The following CGNL1 variants were observed in gnomAD, a reference collection of about 807,000 sequenced individuals.
CGNL1 encodes the protein cingulin-like protein 1.
CGNL1 carries 132 observed loss-of-function variants against 141.2 expected under a neutral mutation model. The observed-to-expected ratio is 0.93, with a 90% CI of 0.81 to 1.08. The LOEUF is 1.08. CGNL1 is among the 50% of genes least tolerant of loss of function. The pLI is 0.00. For synonymous variants in CGNL1, 690 were observed against 622.1 expected, an observed-to-expected ratio of 1.11 and a Z score of -1.63; for missense variants, 1,870 against 1,588.6, an observed-to-expected ratio of 1.18 and a Z score of -3.01.
intron 14 of CGNL1, among the ~76,000 whole-genome samples, chr15:57,542,427 G>A (rs575907828): frequency 3.9e-5 from 6 of 152,254 alleles, no homozygotes; most frequent in South Asian, 4.2e-4. Context: ...TGGAGCCTCC[G>A]CCTCATAACT....
intron 18 of CGNL1, 78 bp downstream of exon 18, chr15:57,546,317 A>C (rs2032865372): frequency 1.9e-5 from 27 of 1,430,806 alleles, no homozygotes; most frequent in Admixed American, 5.1e-5. Flanking sequence ...GAGCATTCAC[A>C]CTCCTGTTGT....
chr15:57,523,642 G>C lies in CGNL1; in HGVS notation c.2868+1G>C. 1 of 1,614,036 alleles carries C rather than the reference G, an allele frequency of 6.2e-7. No individual in the cohort carries two copies. The highest frequency in any genetic ancestry group is 8.5e-7 in the Non-Finnish European group (1 of 1,179,972). On this transcript the variant is annotated splice_donor_variant, in intron 11 of 18. Transcript: ENST00000281282. LOFTEE classifies it high-confidence loss of function. ...AACCATTGAGAAACTGCAGAAGGAGGTGAGGGGCTGGAGGAGGAAAGAGGA... is the reference window on the plus strand; with the variant it reads ...AACCATTGAGAAACTGCAGAAGGAGCTGAGGGGCTGGAGGAGGAAAGAGGA...
chr15:57,469,512 G>T (rs1487046919), intron 8 of CGNL1, among the ~76,000 whole-genome samples: 1 of 151,642 alleles, frequency 6.6e-6, no homozygotes, highest in African/African-American at 2.4e-5. Flanking sequence ...CCAGGGGAAG[G>T]GCAGTTCATT....
At chr15:57,482,395 T>C (rs1035350845) in intron 8 of CGNL1, among the ~76,000 whole-genome samples, 2 of 152,238 alleles carry the variant, frequency 1.3e-5, no homozygotes, top group Non-Finnish European at 2.9e-5. Flanking sequence ...TCTGTGTTTT[T>C]GTTTTCTAAA....
chr15:57,465,564 T>C lies in CGNL1; in HGVS notation c.2403+3672T>C, dbSNP rs564050840. 3.3e-5 allele frequency among the ~76,000 whole-genome samples: 5 copies of C among 152,110 alleles called. No homozygotes were observed. The South Asian group carries it at 1.0e-3, about 32-fold the overall frequency. On this transcript the variant is annotated intron_variant, in intron 8 of 18. Transcript: ENST00000281282. ...CGCCACCACACCTGACTAATTTTTGTATTTTTAGTAGAGACCGGGTTTCAC... is the reference window on the plus strand; with the variant it reads ...CGCCACCACACCTGACTAATTTTTGCATTTTTAGTAGAGACCGGGTTTCAC...
chr15:57,511,488 G>A (rs1326811598), intron 8 of CGNL1, among the ~76,000 whole-genome samples: 2 of 152,150 alleles, frequency 1.3e-5, no homozygotes, highest in African/African-American at 4.8e-5. Context: ...AATGATAGAC[G>A]ATAAGTTTCT....
At chr15:57,507,819 G>T (rs929977632) in intron 8 of CGNL1, among the ~76,000 whole-genome samples, 1 of 152,154 alleles carries the variant, frequency 6.6e-6, no homozygotes, top group Non-Finnish European at 1.5e-5. Flanking sequence ...CTGAATTCCA[G>T]GACTACCTAA....
intron 8 of CGNL1, among the ~76,000 whole-genome samples, chr15:57,481,572 T>A (rs1395677511): frequency 6.6e-6 from 1 of 152,240 alleles, no homozygotes; most frequent in Non-Finnish European, 1.5e-5. Context: ...CACCACAGTT[T>A]GTTCAACCAT....
chr15:57,466,769 A>G (rs914019223), intron 8 of CGNL1, among the ~76,000 whole-genome samples: 5 of 152,224 alleles, frequency 3.3e-5, no homozygotes, highest in African/African-American at 1.2e-4. Context: ...AATTCAAATT[A>G]CTTCTCATGA....
intron 14 of CGNL1, among the ~76,000 whole-genome samples, chr15:57,541,732 A>T (rs1011154462): frequency 6.6e-6 from 1 of 152,220 alleles, no homozygotes; most frequent in South Asian, 2.1e-4. Flanking sequence ...CCATGAAGTA[A>T]TGGGCAGTGC....
intron 1 of CGNL1, among the ~76,000 whole-genome samples, chr15:57,423,149 G>T (rs1175349893): frequency 6.6e-6 from 1 of 152,108 alleles, no homozygotes; most frequent in Admixed American, 6.5e-5. Flanking sequence ...ACTGGTTTTT[G>T]TTAAACACAG....
intron 4 of CGNL1, among the ~76,000 whole-genome samples, chr15:57,446,115 G>A (rs2942037): frequency 6.6e-6 from 1 of 152,152 alleles, no homozygotes; most frequent in Non-Finnish European, 1.5e-5. Flanking sequence ...ACAAATATAT[G>A]TATAAAGGGT....
At chr15:57,502,034 G>A (rs1293961068) in intron 8 of CGNL1, among the ~76,000 whole-genome samples, 2 of 152,212 alleles carry the variant, frequency 1.3e-5, no homozygotes, top group African/African-American at 4.8e-5. Context: ...GCCTAGAGCA[G>A]TTGGTAATCA....
At chr15:57,537,374 C>T (rs1341724679) in intron 14 of CGNL1, among the ~76,000 whole-genome samples, 1 of 152,060 alleles carries the variant, frequency 6.6e-6, no homozygotes, top group African/African-American at 2.4e-5. Flanking sequence ...TCAGGGGTGC[C>T]ACCCCTGCTA....
At position 57,428,970 on chromosome 15, in the gene CGNL1, C is replaced by T. The variant is rs2063011998; in HGVS notation, c.-15-9015C>T. 2.0e-5 allele frequency among the ~76,000 whole-genome samples: 3 copies of T among 152,098 alleles called. No homozygotes were observed. In the South Asian group the frequency reaches 6.3e-4, roughly 32 times the overall value. ...CCCAGGAGGCAGAGGTTGCAGTGAG[C>T]CGAGATTGCGCCACTGCACTCCAGC... On this transcript the variant is annotated intron_variant, in intron 1 of 18. Transcript: ENST00000281282.
intron 1 of CGNL1, among the ~76,000 whole-genome samples, chr15:57,423,703 C>A (rs1233943251): frequency 6.6e-6 from 1 of 152,208 alleles, no homozygotes; most frequent in Non-Finnish European, 1.5e-5. Context: ...GCCAGGCTCT[C>A]CAGATTTCCT....
chr15:57,486,497 C>T (rs1446127671), intron 8 of CGNL1, among the ~76,000 whole-genome samples: 8 of 152,230 alleles, frequency 5.3e-5, no homozygotes, highest in Admixed American at 3.3e-4. Context: ...CTGTCACTCA[C>T]ATGAGTCCGT....
chr15:57,469,342 G>A (rs1419476467), intron 8 of CGNL1, among the ~76,000 whole-genome samples: 1 of 151,316 alleles, frequency 6.6e-6, no homozygotes, highest in Non-Finnish European at 1.5e-5. Flanking sequence ...TGAACAATGA[G>A]TGAGGAGCAG....
At chr15:57,448,577 G>C (rs1317467059) in intron 4 of CGNL1, among the ~76,000 whole-genome samples, 4 of 151,982 alleles carry the variant, frequency 2.6e-5, no homozygotes, top group Admixed American at 1.3e-4. Context: ...GAACCCAGAA[G>C]ATAGAGGTTG....
Sources: allele counts gnomAD v4.1 joint callset (sites outside exome capture counted in the v4.1 genomes callset), GRCh38; gene constraint gnomAD v4.1.1; transcripts MANE v1.5; gene names NCBI Gene and HGNC (gene_info 2026-07-23, HGNC 2026-07-21).